Variants in POU6F2 observed in about 807,000 individuals in gnomAD.
The protein encoded by POU6F2 is POU domain, class 6, transcription factor 2.
In POU6F2, 31 loss-of-function variants were observed where a neutral mutation model predicts 71.3. The ratio of observed to expected loss-of-function variants is 0.43; its 90% CI spans 0.33 to 0.59. POU6F2 has a LOEUF of 0.59. POU6F2 is among the 20% of genes least tolerant of loss of function. POU6F2 has a pLI of 0.04. For synonymous variants in POU6F2, 347 were observed against 355.7 expected (o/e 0.98, Z 0.27); for missense variants, 783 against 856.8 (o/e 0.91, Z 1.07).
chr7:39,057,492 C>T (rs1029349326), intron 1 of POU6F2, among the ~76,000 whole-genome samples: 5 of 151,960 alleles, frequency 3.3e-5, no homozygotes, highest in South Asian at 2.1e-4. Context: ...GATGTTAAAT[C>T]GTTGTATGTC....
In POU6F2 at chr7:39,424,420, T is replaced by C. The variant is rs141691391; in HGVS notation, c.1114-8657T>C. 9.8e-3 allele frequency among the ~76,000 whole-genome samples: 1,497 copies of C among 152,308 alleles called. 18 individuals are homozygous for C. The highest frequency in any genetic ancestry group is 0.035 in the African/African-American group (1,439 of 41,560). ...CGTAGAGAAATCAATTAGCCTTAAG[T>C]AATCCAGAACTTTCCAGTATGCTTT... is the stretch of plus-strand genomic sequence containing the variant. On this transcript the variant is annotated intron_variant, in intron 6 of 9. Coordinates refer to ENST00000518318, the MANE Select transcript of POU6F2 (RefSeq NM_001370959.1).
chr7:39,220,937 G>A, intron 4 of POU6F2, among the ~76,000 whole-genome samples: 1 of 151,820 alleles, frequency 6.6e-6, no homozygotes, highest in Admixed American at 6.6e-5. Context: ...TGCTGTAAGT[G>A]TAAAATTCAC....
At chr7:39,087,164 ATTTATTT>A (rs1562700982) in intron 2 of POU6F2, among the ~76,000 whole-genome samples, 5,365 of 114,344 alleles carry the variant, frequency 0.047, 110 homozygotes, top group African/African-American at 0.066. Flanking sequence ...TAATTAATTT[ATTTATTT>A]ATTTATTTAT....
chr7:39,023,381 T>C (rs545167067), intron 1 of POU6F2, among the ~76,000 whole-genome samples: 4 of 152,076 alleles, frequency 2.6e-5, no homozygotes, highest in Non-Finnish European at 4.4e-5. Context: ...GTGCTTTCAG[T>C]ATCTTGGCTA....
chr7:39,455,578 T>G (rs564491460), intron 8 of POU6F2, among the ~76,000 whole-genome samples: 1 of 152,278 alleles, frequency 6.6e-6, no homozygotes, highest in African/African-American at 2.4e-5. Context: ...CTTTGGAAGC[T>G]TCTTTAAAGG....
At chr7:39,090,341 C>T (rs11767715) in intron 2 of POU6F2, among the ~76,000 whole-genome samples, 17,172 of 151,962 alleles carry the variant, frequency 0.11, 1,032 homozygotes, top group Middle Eastern at 0.15. Flanking sequence ...GCAGTAGAGT[C>T]GCTTTCAATG....
At chr7:39,111,911 C>A (rs1457003037) in intron 2 of POU6F2, among the ~76,000 whole-genome samples, 1 of 151,810 alleles carries the variant, frequency 6.6e-6, no homozygotes, top group Non-Finnish European at 1.5e-5. Flanking sequence ...GAGGGCTTAC[C>A]AAACCCCAAT....
At chr7:39,306,458 G>A (rs1785050656) in intron 4 of POU6F2, among the ~76,000 whole-genome samples, 1 of 152,114 alleles carries the variant, frequency 6.6e-6, no homozygotes, top group South Asian at 2.1e-4. Context: ...CATAGCCAGG[G>A]TCAGATTTAA....
At chr7:38,991,311 T>C (rs924920282) in intron 1 of POU6F2, among the ~76,000 whole-genome samples, 5 of 152,174 alleles carry the variant, frequency 3.3e-5, no homozygotes, top group Admixed American at 2.6e-4. Context: ...GACCCTTTCT[T>C]TAATTTCTTA....
At chr7:39,043,198 T>G (rs896932581) in intron 1 of POU6F2, among the ~76,000 whole-genome samples, 1 of 152,002 alleles carries the variant, frequency 6.6e-6, no homozygotes, top group Non-Finnish European at 1.5e-5. Flanking sequence ...ACATGACACA[T>G]TTAATTCAAG....
rs923168618 is a variant in POU6F2 at position 39,464,739 on chromosome 7, C to G, written c.*53C>G. On this transcript the variant is annotated 3_prime_UTR_variant, in exon 10 of 10. Transcript: ENST00000518318. The surrounding 1 kb of genome is among the most constrained non-coding windows in gnomAD (Gnocchi z 4.1). ...AAATTCACAGAAACTAAACTCCACC[C>G]TTGGGACTCCACAACAACAACAACA... The G allele has an allele frequency of 6.6e-7, 1 of 1,506,488 alleles. No homozygotes were observed. The highest frequency in any genetic ancestry group is 1.4e-5 in the African/African-American group (1 of 71,284). The allele number at this position is 1,506,488 out of a possible 1,614,324, so 93.3% of individuals were successfully genotyped here. A position where few individuals can be genotyped will look rare whatever the true frequency, so the allele number is the denominator to read the frequency against.
chr7:39,265,571 G>A (rs995405647), intron 4 of POU6F2, among the ~76,000 whole-genome samples: 7 of 152,174 alleles, frequency 4.6e-5, no homozygotes, highest in African/African-American at 1.7e-4. Context: ...CCACATTTTA[G>A]AATGTGCTAT....
intron 2 of POU6F2, among the ~76,000 whole-genome samples, chr7:39,161,860 C>T (rs1793005650): frequency 6.6e-6 from 1 of 152,158 alleles, no homozygotes; most frequent in South Asian, 2.1e-4. Context: ...ATTTAGGGAC[C>T]AAGAATTGGG....
intron 1 of POU6F2, among the ~76,000 whole-genome samples, chr7:39,027,894 C>T (rs1329882419): frequency 5.9e-5 from 9 of 152,080 alleles, no homozygotes; most frequent in African/African-American, 2.2e-4. Context: ...TACAAGTATA[C>T]TCAAATTTAA....
intron 1 of POU6F2, among the ~76,000 whole-genome samples, chr7:39,005,484 C>CTGTGTGCGTGTGTGTGTGTGTG (rs1789033996): frequency 7.9e-6 from 1 of 126,610 alleles, no homozygotes; most frequent in Admixed American, 8.1e-5. Flanking sequence ...AGGGAGAAAC[C>CTGTGTGCGTGTGTGTGTGTGTG]TGTGTGTGTG....
chr7:39,092,806 T>C (rs1791383398), intron 2 of POU6F2, among the ~76,000 whole-genome samples: 1 of 152,188 alleles, frequency 6.6e-6, no homozygotes, highest in Non-Finnish European at 1.5e-5. Context: ...AAAAATGGAT[T>C]AAGCCCTTTT....
At chr7:39,140,067 G>A (rs1035367773) in intron 2 of POU6F2, among the ~76,000 whole-genome samples, 7 of 152,146 alleles carry the variant, frequency 4.6e-5, no homozygotes, top group African/African-American at 1.7e-4. Flanking sequence ...TACATAAAGG[G>A]TGATCTTGTT....
intron 4 of POU6F2, among the ~76,000 whole-genome samples, chr7:39,209,982 A>C (rs1794104816): frequency 6.6e-6 from 1 of 152,230 alleles, no homozygotes; most frequent in African/African-American, 2.4e-5. Context: ...TCAGTACCTT[A>C]GAAGGAATCC....
chr7:39,466,265 G>T lies in POU6F2; in HGVS notation c.*1579G>T, dbSNP rs1029275559. The T allele has an allele frequency of 2.7e-5, 4 of 149,234 alleles. No individual in the cohort carries two copies. The highest frequency in any genetic ancestry group is 5.9e-5 in the Non-Finnish European group (4 of 67,424). 9.2% of individuals were successfully genotyped at this position (149,234 alleles called of 1,614,324 possible). On this transcript the variant is annotated 3_prime_UTR_variant, in exon 10 of 10. Transcript: ENST00000518318. Reference sequence around the variant, plus strand: ...ACAATCAGAATAGCCTGCAATATGAGAACTAGAGGATTATTTCCTTTAAAA... The same window carrying T: ...ACAATCAGAATAGCCTGCAATATGATAACTAGAGGATTATTTCCTTTAAAA...
Sources: allele counts gnomAD v4.1 joint callset (sites outside exome capture counted in the v4.1 genomes callset), GRCh38; gene constraint gnomAD v4.1.1; non-coding constraint Gnocchi (gnomAD v3.1); transcripts MANE v1.5; gene names NCBI Gene and HGNC (gene_info 2026-07-23, HGNC 2026-07-21).